POU6F2: variants seen among roughly 807,000 people sequenced by gnomAD.
The protein encoded by POU6F2 is POU class 6 homeobox 2, also known as POU domain, class 6, transcription factor 2.
In POU6F2, 31 loss-of-function variants were observed where a neutral mutation model predicts 71.3. That is an observed-to-expected ratio of 0.43 (90% CI 0.33 to 0.59). The LOEUF is 0.59. Among genes scored for constraint, POU6F2 ranks in the 20% least tolerant of loss-of-function variants. POU6F2 has a pLI of 0.04. For synonymous variants in POU6F2, 347 were observed against 355.7 expected (o/e 0.98, Z 0.27); for missense variants, 783 against 856.8 (o/e 0.91, Z 1.07).
chr7:39,015,441 AT>A (rs1208841996), intron 1 of POU6F2, among the ~76,000 whole-genome samples: 1 of 126,810 alleles, frequency 7.9e-6, no homozygotes, highest in Non-Finnish European at 1.6e-5. Flanking sequence ...ATAATATATA[AT>A]CTAATATATA....
chr7:39,118,194 T>C (rs892485249), intron 2 of POU6F2, among the ~76,000 whole-genome samples: 3 of 152,162 alleles, frequency 2.0e-5, no homozygotes, highest in Admixed American at 2.0e-4. Flanking sequence ...AAATGACTCC[T>C]TCTCAGCCTA....
intron 2 of POU6F2, among the ~76,000 whole-genome samples, chr7:39,135,511 A>G (rs1007321509): frequency 2.0e-5 from 3 of 152,178 alleles, no homozygotes; most frequent in African/African-American, 7.2e-5. Context: ...TGATAGTTTA[A>G]TATTTTTAAC....
chr7:39,447,307 T>A (rs1788547862), intron 7 of POU6F2, among the ~76,000 whole-genome samples: 1 of 152,190 alleles, frequency 6.6e-6, no homozygotes, highest in Non-Finnish European at 1.5e-5. Context: ...CTCACCATGA[T>A]CTATCAGTTT....
At chr7:39,225,956 T>TA (rs111487597) in intron 4 of POU6F2, among the ~76,000 whole-genome samples, 7,951 of 148,160 alleles carry the variant, frequency 0.054, 313 homozygotes, top group Admixed American at 0.07. Context: ...TTAATTCCTT[T>TA]AAAAAAAAAA....
Position 39,331,490 on chromosome 7 carries a change from G to GGTTTTGTTTTGTTTT in POU6F2, c.599-8143_599-8129dup, listed in dbSNP as rs553116050. On this transcript the variant is annotated intron_variant, in intron 4 of 9. Transcript: ENST00000518318. ...ACGGAGTGAGGTGGTATCTCACTCCGGTTTTGTTTTGTTTTGTTTTGTTGT... is the reference window on the plus strand; with the variant it reads ...ACGGAGTGAGGTGGTATCTCACTCCGGTTTTGTTTTGTTTTGTTTTGTTTTGTTTTGTTTTGTTGT... 3.2e-3 allele frequency among the ~76,000 whole-genome samples: 485 copies of GGTTTTGTTTTGTTTT among 151,960 alleles called. 1 individual carries two copies. The highest frequency in any genetic ancestry group is 0.011 in the African/African-American group (463 of 41,410).
rs562634968 is a variant in POU6F2, at chr7:39,000,328, C to T, written c.105+22270C>T. Among the ~76,000 whole-genome samples, 10 of 152,324 alleles carry T rather than the reference C, an allele frequency of 6.6e-5. 1 individual carries two copies. The South Asian group carries it at 2.1e-3, about 32-fold the overall frequency. On this transcript the variant is annotated intron_variant, in intron 1 of 9. Transcript: ENST00000518318. ...GCTTTTCTAAATGGGAAGCCTCTTA[C>T]TGTTTAACACTGATTCACTTATAAG...
intron 4 of POU6F2, among the ~76,000 whole-genome samples, chr7:39,237,148 T>C (rs946104529): frequency 6.6e-6 from 1 of 152,142 alleles, no homozygotes; most frequent in African/African-American, 2.4e-5. Flanking sequence ...TGCAGAAGCC[T>C]GAATGAAGCT....
chr7:39,174,079 G>A (rs1793280124), intron 2 of POU6F2, among the ~76,000 whole-genome samples: 1 of 152,216 alleles, frequency 6.6e-6, no homozygotes, highest in Admixed American at 6.5e-5. Context: ...CCATAGGATG[G>A]GAAAGATCTA....
At chr7:39,307,897 G>A (rs950062425) in intron 4 of POU6F2, among the ~76,000 whole-genome samples, 2 of 151,954 alleles carry the variant, frequency 1.3e-5, no homozygotes, top group Non-Finnish European at 2.9e-5. Context: ...GGAGGTTGCA[G>A]TGAGCAGAGA....
At chr7:39,149,381 T>G (rs574178344) in intron 2 of POU6F2, among the ~76,000 whole-genome samples, 2 of 152,222 alleles carry the variant, frequency 1.3e-5, no homozygotes, top group Non-Finnish European at 2.9e-5. Context: ...TTTTATTTAT[T>G]TGTTAATTTT....
At chr7:39,359,985 C>G (rs1041477322) in intron 5 of POU6F2, among the ~76,000 whole-genome samples, 17 of 152,128 alleles carry the variant, frequency 1.1e-4, no homozygotes, top group Admixed American at 1.3e-4. Flanking sequence ...TTTTGTTTAA[C>G]TACTAAGAAG....
intron 4 of POU6F2, among the ~76,000 whole-genome samples, chr7:39,302,714 C>T (rs1256186863): frequency 6.6e-6 from 1 of 152,196 alleles, no homozygotes; most frequent in African/African-American, 2.4e-5. Flanking sequence ...CTTAGATAAG[C>T]AATATGCGTA....
At chr7:39,027,095 A>T (rs1789824954) in intron 1 of POU6F2, among the ~76,000 whole-genome samples, 1 of 152,304 alleles carries the variant, frequency 6.6e-6, no homozygotes, top group East Asian at 1.9e-4. Context: ...AAAAGACATA[A>T]GCAATTTTTC....
intron 5 of POU6F2, among the ~76,000 whole-genome samples, chr7:39,405,463 G>A (rs1359324777): frequency 1.3e-5 from 2 of 152,132 alleles, no homozygotes; most frequent in South Asian, 2.1e-4. Flanking sequence ...AGTCTTAGTC[G>A]TGGCAGGTTT....
intron 2 of POU6F2, among the ~76,000 whole-genome samples, chr7:39,134,445 C>G (rs1792350468): frequency 6.6e-6 from 1 of 152,134 alleles, no homozygotes; most frequent in Non-Finnish European, 1.5e-5. Context: ...ATCCACAGAT[C>G]ATGATAATGA....
At chr7:39,302,034 AC>A (rs1784957187) in intron 4 of POU6F2, among the ~76,000 whole-genome samples, 2 of 152,144 alleles carry the variant, frequency 1.3e-5, no homozygotes, top group South Asian at 4.1e-4. Flanking sequence ...AGCAGTTACA[AC>A]CCGCTTATTT....
intron 1 of POU6F2, among the ~76,000 whole-genome samples, chr7:39,073,210 A>G (rs1181204323): frequency 6.6e-6 from 1 of 152,154 alleles, no homozygotes; most frequent in Non-Finnish European, 1.5e-5. Context: ...GTAAGTAAAT[A>G]TTAATAAAGG....
intron 1 of POU6F2, among the ~76,000 whole-genome samples, chr7:38,996,700 G>C (rs1788748596): frequency 6.6e-6 from 1 of 152,180 alleles, no homozygotes; most frequent in African/African-American, 2.4e-5. Context: ...GTGCCAGACT[G>C]TTCTAACAAC....
intron 4 of POU6F2, among the ~76,000 whole-genome samples, chr7:39,302,866 T>C (rs986847980): frequency 1.3e-5 from 2 of 152,228 alleles, no homozygotes; most frequent in Non-Finnish European, 2.9e-5. Context: ...GACCTAGATA[T>C]GAGGTCTAAT....
Sources: allele counts gnomAD v4.1 joint callset (sites outside exome capture counted in the v4.1 genomes callset), GRCh38; gene constraint gnomAD v4.1.1; transcripts MANE v1.5; gene names NCBI Gene and HGNC (gene_info 2026-07-23, HGNC 2026-07-21).